Variants in KANK3 observed in about 807,000 individuals in gnomAD.
The protein encoded by KANK3 is KN motif and ankyrin repeat domain-containing protein 3.
In KANK3, 61 loss-of-function variants were observed where a neutral mutation model predicts 65.4. That is an observed-to-expected ratio of 0.93 (90% confidence interval 0.76 to 1.15). KANK3 has a LOEUF of 1.15. Ranked by LOEUF, KANK3 falls within the 50% of genes most tolerant of loss-of-function variation. The pLI is 0.00. For missense variants in KANK3, 1,187 were observed against 1,178.8 expected, an observed-to-expected ratio of 1.01 and a Z score of -0.10; for synonymous variants, 586 against 543.3, an observed-to-expected ratio of 1.08 and a Z score of -1.09.
rs753750184 is a variant in KANK3, at chr19:8,322,899, C to T, written c.2406G>A (p.Gln802=). The change falls in exon 11 of 11, where the codon CAG becomes CAA. Residue 802 remains glutamine (Q), a synonymous_variant. Transcript: ENST00000330915. ...ATTCTCCTTCACCAGGTGTGGCTGT[C>T]TGGGAGCCAGGGGGTGACTCGCTCT... is the stretch of plus-strand genomic sequence containing the variant. ...DTQSESPPGS[Q]TATPGEGECG... The T allele has an allele frequency of 3.2e-6, 5 of 1,554,982 alleles. No individual in the cohort carries two copies. The highest frequency in any genetic ancestry group is 4.3e-6 in the Non-Finnish European group (5 of 1,150,654).
intron 7 of KANK3, 24 bp downstream of exon 7, chr19:8,332,990 C>CA: frequency 2.4e-6 from 1 of 415,592 alleles, no homozygotes; most frequent in Non-Finnish European, 4.8e-6. Flanking sequence ...CCTGGTGTCC[C>CA]ACCCACCCTC....
Position 8,334,679 on chromosome 19 carries a change from C to A in KANK3, c.1148G>T (p.Arg383Leu). The A allele has an allele frequency of 2.6e-6, 4 of 1,535,438 alleles. No individual in the cohort carries two copies. The highest frequency in any genetic ancestry group is 3.5e-6 in the Non-Finnish European group (4 of 1,147,588). The change falls in exon 3 of 11, where the codon CGC becomes CTC. Residue 383 changes from arginine (R) to leucine (L), a missense_variant. Arg to Leu is a moderately radical substitution (Grantham distance 102). Coordinates refer to ENST00000330915, the MANE Select transcript of KANK3 (RefSeq NM_198471.3). The stretch of plus-strand genomic sequence containing the variant: ...CGCCGCTGCCTCCTCCGCAGCCTCG[C>A]GGGCTTCCTCCAGCTCCCGCAACCG... ...RGRLRELEEAREAAEEAAAGA... is the reference protein window; with the variant it reads ...RGRLRELEEALEAAEEAAAGA...
Position 8,325,002 on chromosome 19 carries a change from AG to A in KANK3, c.2030del (p.Ala677ValfsTer46). The A allele has an allele frequency of 3.1e-6, 5 of 1,609,536 alleles. No individual in the cohort carries two copies. The highest frequency in any genetic ancestry group is 4.2e-6 in the Non-Finnish European group (5 of 1,179,046). On this transcript the variant is annotated frameshift_variant, in exon 8 of 11. Transcript: ENST00000330915. LOFTEE classifies it high-confidence loss of function. ...TSVRQEEEDMAVVQRLFCMGD... is the reference protein window; with the variant it reads ...TSVRQEEEDMXVVQRLFCMGD... ...CCATGCAGAAGAGTCTCTGGACCAC[AG>A]CCATGTCCTCCTCTTCCTGCCTCAC... is the stretch of plus-strand genomic sequence containing the variant.
chr19:8,342,362 T>C (rs558428858), intron 1 of KANK3, among the ~76,000 whole-genome samples: 1 of 152,246 alleles, frequency 6.6e-6, no homozygotes, highest in Admixed American at 6.5e-5. Context: ...CCACCACCTC[T>C]GCGGCTTCAG....
At position 8,333,636 on chromosome 19, in the gene KANK3, G is replaced by A. The variant is rs1365768424; in HGVS notation, c.1719+88C>T. 7.2e-6 allele frequency: 8 copies of A among 1,107,096 alleles called. No homozygotes were observed. The highest frequency in any genetic ancestry group is 3.1e-4 in the Middle Eastern group (1 of 3,240). The allele number at this position is 1,107,096 out of a possible 1,614,324, so 68.6% of individuals were successfully genotyped here. A position where few individuals can be genotyped will look rare whatever the true frequency, so the allele number is the denominator to read the frequency against. The stretch of plus-strand genomic sequence containing the variant: ...GGCGAGGTGCCTGGCGGGAAGGGAT[G>A]GAACCCGGTGTGCTCCCCTAAGTGG... On this transcript the variant is annotated intron_variant, in intron 6 of 10. Transcript: ENST00000330915. The surrounding 1 kb of genome is among the most constrained non-coding windows in gnomAD (Gnocchi z 5.0).
At chr19:8,324,323 G>A (rs1213735229) in intron 10 of KANK3, 126 bp downstream of exon 10, 1 of 782,456 alleles carries the variant, frequency 1.3e-6, no homozygotes, top group Non-Finnish European at 2.1e-6. Flanking sequence ...GGAGAATCCA[G>A]ACACTGGTTC....
Position 8,334,063 on chromosome 19 carries a change from TTCTCGCTGTCG to T in KANK3, c.1470_1480del (p.Asp491ArgfsTer8). On this transcript the variant is annotated frameshift_variant, in exon 5 of 11. Transcript: ENST00000330915. LOFTEE classifies it high-confidence loss of function. ...GCTACCCGGGGGCTCGGCGCCACCGTTCTCGCTGTCGCCATCGCTGTCGCTGGCGTCCTCGC... is the reference window on the plus strand; with the variant it reads ...GCTACCCGGGGGCTCGGCGCCACCGTCCATCGCTGTCGCTGGCGTCCTCGC... 1 of 1,514,884 alleles carries T rather than the reference TTCTCGCTGTCG, an allele frequency of 6.6e-7. No homozygotes were observed. 93.8% of individuals were successfully genotyped at this position (1,514,884 alleles called of 1,614,324 possible). A position where few individuals can be genotyped will look rare whatever the true frequency, so the allele number is the denominator to read the frequency against.
Position 8,324,842 on chromosome 19 carries a change from G to A in KANK3, c.2083-12C>T. On this transcript the variant is annotated splice_polypyrimidine_tract_variant and intron_variant, in intron 8 of 10. Coordinates refer to ENST00000330915, the MANE Select transcript of KANK3 (RefSeq NM_198471.3). Reference sequence around the variant, plus strand: ...GCTGTCTGCCCCGTCTGGGGAGTGGGGAGGAAGAGGGAACAGGCTGGGGTA... The same window carrying A: ...GCTGTCTGCCCCGTCTGGGGAGTGGAGAGGAAGAGGGAACAGGCTGGGGTA... 2 of 1,606,446 alleles carry A rather than the reference G, an allele frequency of 1.2e-6. No homozygotes were observed. The highest frequency in any genetic ancestry group is 1.7e-6 in the Non-Finnish European group (2 of 1,175,094).
chr19:8,339,930 T>C (rs1367546572), intron 1 of KANK3, among the ~76,000 whole-genome samples: 6 of 138,918 alleles, frequency 4.3e-5, no homozygotes, highest in South Asian at 2.3e-4. Context: ...TGCCACTGCA[T>C]TCCAGCCTGG....
In KANK3 at chr19:8,335,330, C is replaced by G; in HGVS notation, c.497G>C (p.Arg166Pro). ...GVPRSPRGSG[R>P]SSPAPNLAPA... is the part of the protein sequence containing the mutation. ...GGCAAGGTTAGGGGCGGGGCTGCTG[C>G]GGCCGGACCCGCGTGGGCTGCGCGG... is the stretch of plus-strand genomic sequence containing the variant. Residue 166 changes from arginine to proline, a missense_variant, in exon 3 of 11, where the codon CGC becomes CCC. Physicochemically the swap from Arg to Pro is moderately radical, Grantham distance 103 (BLOSUM62 -2). This residue lies in a region of KANK3 where 1,078 missense variants were observed against 1,038.2 expected (regional missense o/e 1.04). Coordinates refer to ENST00000330915, the MANE Select transcript of KANK3 (RefSeq NM_198471.3). 1 of 1,194,134 alleles carries G rather than the reference C, an allele frequency of 8.4e-7. No homozygotes were observed. The highest frequency in any genetic ancestry group is 1.0e-6 in the Non-Finnish European group (1 of 964,004). The allele number at this position is 1,194,134 out of a possible 1,614,324, so 74.0% of individuals were successfully genotyped here. A position where few individuals can be genotyped will look rare whatever the true frequency, so the allele number is the denominator to read the frequency against.
rs138416685 is a variant in KANK3 at position 8,338,747 on chromosome 19, C to T, written c.-28-891G>A. ...AAAAGTAGCCGGGCGTGGTGGCAGG[C>T]GCCTGTAGTCCCAGCTACTCGGGAG... On this transcript the variant is annotated intron_variant, in intron 1 of 10. Transcript: ENST00000330915. Among the ~76,000 whole-genome samples the T allele has an allele frequency of 6.8e-3, 1,037 of 151,726 alleles. 19 individuals are homozygous for T. Among genetic ancestry groups the T allele is most frequent in the African/African-American group, 0.024 (991 of 41,378 alleles).
At chr19:8,338,071 G>C (rs2145439912) in intron 1 of KANK3, 1 of 665,792 alleles carries the variant, frequency 1.5e-6, no homozygotes, top group Non-Finnish European at 1.8e-6. Context: ...ACCCAGGCTG[G>C]AGTGCAATGC....
At chr19:8,334,243 G>T in intron 4 of KANK3, 77 bp downstream of exon 4, 1 of 1,584,004 alleles carries the variant, frequency 6.3e-7, no homozygotes. Context: ...CACGCTGCCA[G>T]TAGAGGGGCA....
chr19:8,334,528 C>A lies in KANK3; in HGVS notation c.1299G>T (p.Met433Ile). The A allele has an allele frequency of 6.2e-7, 1 of 1,603,632 alleles. No homozygotes were observed. The highest frequency in any genetic ancestry group is 8.5e-7 in the Non-Finnish European group (1 of 1,179,556). The change falls in exon 3 of 11, where the codon ATG (methionine) becomes ATT (isoleucine). Residue 433 changes from methionine to isoleucine, a missense_variant. Coordinates refer to ENST00000330915, the MANE Select transcript of KANK3 (RefSeq NM_198471.3). Reference sequence around the variant, plus strand: ...CGGGCGCCACGGCCCTGTCTCCGTCCATGGATCCGGGCGAGCTCTCCTGAG... The same window carrying A: ...CGGGCGCCACGGCCCTGTCTCCGTCAATGGATCCGGGCGAGCTCTCCTGAG... ...SLTQESSPGS[M>I]DGDRAVAPAG...
Position 8,335,456 on chromosome 19 carries a change from G to A in KANK3, c.371C>T (p.Pro124Leu), listed in dbSNP as rs1163965580. 22 of 1,228,194 alleles carry A rather than the reference G, an allele frequency of 1.8e-5. No homozygotes were observed. Among genetic ancestry groups the A allele is most frequent in the Non-Finnish European group, 2.1e-5 (21 of 983,054 alleles). The allele number at this position is 1,228,194 out of a possible 1,614,324, so 76.1% of individuals were successfully genotyped here. The change falls in exon 3 of 11, where the codon CCC becomes CTC. Residue 124 changes from proline to leucine, a missense_variant. Around this residue, in one of 3 missense-constraint regions of KANK3, gnomAD observed 1,078 missense variants for 1,038.2 expected, o/e 1.04. Coordinates refer to ENST00000330915, the MANE Select transcript of KANK3 (RefSeq NM_198471.3). Reference sequence around the variant, plus strand: ...GTGCTCGACGCGCGGGTTGCGCACGGGCGCGCGCGGCGACAGCGGCTGCAT... The same window carrying A: ...GTGCTCGACGCGCGGGTTGCGCACGAGCGCGCGCGGCGACAGCGGCTGCAT... Reference protein sequence around the residue: ...LLMQPLSPRAPVRNPRVEHTL... With the variant: ...LLMQPLSPRALVRNPRVEHTL...
In KANK3 at chr19:8,334,074, G is replaced by A; in HGVS notation, c.1470C>T (p.Gly490=). 2 of 759,568 alleles carry A rather than the reference G, an allele frequency of 2.6e-6. No homozygotes were observed. The highest frequency in any genetic ancestry group is 4.7e-5 in the East Asian group (1 of 21,212). 47.1% of individuals were successfully genotyped at this position (759,568 alleles called of 1,614,324 possible). A position where few individuals can be genotyped will look rare whatever the true frequency, so the allele number is the denominator to read the frequency against. ...SSSEDASDSD[G]DSENGGAEPP... ...GCTCGGCGCCACCGTTCTCGCTGTCGCCATCGCTGTCGCTGGCGTCCTCGC... is the reference window on the plus strand; with the variant it reads ...GCTCGGCGCCACCGTTCTCGCTGTCACCATCGCTGTCGCTGGCGTCCTCGC... Residue 490 remains glycine, a synonymous_variant, in exon 5 of 11, where the codon GGC becomes GGT. Coordinates refer to ENST00000330915, the MANE Select transcript of KANK3 (RefSeq NM_198471.3).
At chr19:8,328,356 GTCTC>G (rs1294715786) in intron 7 of KANK3, among the ~76,000 whole-genome samples, 1 of 149,056 alleles carries the variant, frequency 6.7e-6, no homozygotes, top group African/African-American at 2.5e-5. Flanking sequence ...CTTGATAATC[GTCTC>G]TCTCCACTCT....
intron 7 of KANK3, among the ~76,000 whole-genome samples, chr19:8,325,530 C>T (rs1415108702): frequency 4.0e-5 from 6 of 151,760 alleles, no homozygotes. Flanking sequence ...ACCGTAGCCT[C>T]CCAAAGTGCT....
At position 8,335,518 on chromosome 19, in the gene KANK3, C is replaced by T. The variant is rs1970621336; in HGVS notation, c.309G>A (p.Pro103=). The T allele has an allele frequency of 8.1e-7, 1 of 1,228,478 alleles. No homozygotes were observed. The highest frequency in any genetic ancestry group is 1.0e-6 in the Non-Finnish European group (1 of 978,372). The allele number at this position is 1,228,478 out of a possible 1,614,324, so 76.1% of individuals were successfully genotyped here. Reference sequence around the variant, plus strand: ...AGGGCGCGCCCTGGGAGAGTATGCCCGGTGCTCCACCGTCGTCACTGGCCA... The same window carrying T: ...AGGGCGCGCCCTGGGAGAGTATGCCTGGTGCTCCACCGTCGTCACTGGCCA... ...ESLASDDGGA[P]GILSQGAPSG... The change falls in exon 3 of 11, where the codon CCG becomes CCA. Residue 103 remains proline (P), a synonymous_variant. Coordinates refer to ENST00000330915, the MANE Select transcript of KANK3 (RefSeq NM_198471.3).
Sources: allele counts gnomAD v4.1 joint callset (sites outside exome capture counted in the v4.1 genomes callset), GRCh38; gene constraint gnomAD v4.1.1; regional missense constraint gnomAD v4.1.1; non-coding constraint Gnocchi (gnomAD v3.1); transcripts MANE v1.5; gene names NCBI Gene and HGNC (gene_info 2026-07-23, HGNC 2026-07-21).